Variants in KCNN2 observed in about 807,000 individuals in gnomAD.
The protein encoded by KCNN2 is small conductance calcium-activated potassium channel protein 2.
A neutral mutation model predicts 55.5 loss-of-function variants in KCNN2; 24 were observed. The ratio of observed to expected loss-of-function variants is 0.43; its 90% CI spans 0.31 to 0.61. The LOEUF (loss-of-function observed/expected upper bound fraction) is 0.61. Ranked by LOEUF, KCNN2 falls within the 20% of genes least tolerant of loss-of-function variation. KCNN2 has a pLI of 0.08. For synonymous variants in KCNN2, 431 were observed against 336.1 expected (o/e 1.28, Z -3.09); for missense variants, 754 against 853.6 (o/e 0.88, Z 1.45).
Position 114,496,399 on chromosome 5 carries a change from T to C in KCNN2, c.*217T>C. On this transcript the variant is annotated 3_prime_UTR_variant, in exon 8 of 8. Coordinates refer to ENST00000673685, the MANE Select transcript of KCNN2 (RefSeq NM_021614.4). Reference sequence around the variant, plus strand: ...ATGCACCTATTATTGCTATATAGATTGTTCCTCCTGTAATTTCACTAACTT... The same window carrying C: ...ATGCACCTATTATTGCTATATAGATCGTTCCTCCTGTAATTTCACTAACTT... The C allele has an allele frequency of 2.1e-6, 1 of 478,822 alleles. No individual in the cohort carries two copies. Among genetic ancestry groups the C allele is most frequent in the East Asian group, 3.3e-5 (1 of 30,616 alleles). 29.7% of individuals were successfully genotyped at this position (478,822 alleles called of 1,614,324 possible).
chr5:114,115,074 A>C (rs1751684390), intron 1 of KCNN2, among the ~76,000 whole-genome samples: 1 of 152,134 alleles, frequency 6.6e-6, no homozygotes, highest in Non-Finnish European at 1.5e-5. Flanking sequence ...GTGAAGTTCT[A>C]ATTCTCTTTC....
At chr5:114,229,899 G>A (rs927161074) in intron 2 of KCNN2, among the ~76,000 whole-genome samples, 1 of 152,070 alleles carries the variant, frequency 6.6e-6, no homozygotes, top group Non-Finnish European at 1.5e-5. Flanking sequence ...CCCTAGAAAT[G>A]GACTTAAGCC....
chr5:114,477,112 A>G (rs1052644667), intron 5 of KCNN2, among the ~76,000 whole-genome samples: 3 of 152,012 alleles, frequency 2.0e-5, no homozygotes, highest in African/African-American at 7.2e-5. Context: ...TGTTAGAGAA[A>G]AATACAACTA....
At chr5:114,483,913 A>G (rs1762340918) in intron 5 of KCNN2, among the ~76,000 whole-genome samples, 2 of 152,186 alleles carry the variant, frequency 1.3e-5, no homozygotes, top group South Asian at 2.1e-4. Flanking sequence ...CACTTATCAC[A>G]GTATCTAGCA....
chr5:114,164,467 A>G (rs1207125655), intron 1 of KCNN2, among the ~76,000 whole-genome samples: 1 of 152,192 alleles, frequency 6.6e-6, no homozygotes, highest in Non-Finnish European at 1.5e-5. Flanking sequence ...TGGTAATTTC[A>G]ATAATCAAGA....
chr5:114,284,300 C>T (rs1174187150), intron 2 of KCNN2, among the ~76,000 whole-genome samples: 1 of 152,132 alleles, frequency 6.6e-6, no homozygotes, highest in African/African-American at 2.4e-5. Context: ...ATGCCATTAT[C>T]AGAGTGAAAG....
At chr5:114,267,985 C>T (rs780377932) in intron 2 of KCNN2, among the ~76,000 whole-genome samples, 2 of 152,090 alleles carry the variant, frequency 1.3e-5, no homozygotes, top group Non-Finnish European at 2.9e-5. Flanking sequence ...TTGCAGGGAG[C>T]TCCCTCCCTG....
At chr5:114,144,928 T>G (rs900576521) in intron 1 of KCNN2, among the ~76,000 whole-genome samples, 1 of 152,086 alleles carries the variant, frequency 6.6e-6, no homozygotes. Context: ...ATTGCCATAG[T>G]GATATTTTTG....
intron 2 of KCNN2, among the ~76,000 whole-genome samples, chr5:114,399,432 G>C (rs370031600): frequency 6.6e-6 from 1 of 152,124 alleles, no homozygotes; most frequent in Non-Finnish European, 1.5e-5. Context: ...CCAACCTTGC[G>C]TCCCAGAGAT....
intron 2 of KCNN2, among the ~76,000 whole-genome samples, chr5:114,402,017 C>T (rs1057472467): frequency 6.6e-6 from 1 of 152,066 alleles, no homozygotes; most frequent in African/African-American, 2.4e-5. Context: ...GATCAGACTA[C>T]CCAGGGAAGT....
At chr5:114,090,192 A>G (rs935967373) in intron 1 of KCNN2, among the ~76,000 whole-genome samples, 2 of 152,188 alleles carry the variant, frequency 1.3e-5, no homozygotes, top group African/African-American at 2.4e-5. Flanking sequence ...TATTTCTTAT[A>G]GTTCTGTACA....
chr5:114,070,039 A>T (rs1431134998), intron 1 of KCNN2, among the ~76,000 whole-genome samples: 1 of 152,196 alleles, frequency 6.6e-6, no homozygotes, highest in Non-Finnish European at 1.5e-5. Flanking sequence ...TCGCATCCAG[A>T]TACCTTTTAT....
At chr5:114,451,630 C>T (rs1365556699) in intron 3 of KCNN2, among the ~76,000 whole-genome samples, 1 of 152,114 alleles carries the variant, frequency 6.6e-6, no homozygotes, top group Non-Finnish European at 1.5e-5. Flanking sequence ...GAGGCGGTGG[C>T]TCAAGCCTGT....
In KCNN2 at chr5:114,362,686, T is replaced by TCGCACCACCACCACCACCCGCACCCGG; in HGVS notation, c.558_584dup (p.His186_His194dup). The TCGCACCACCACCACCACCCGCACCCGG allele has an allele frequency of 1.4e-6, 2 of 1,448,618 alleles. No individual in the cohort carries two copies. Among genetic ancestry groups the TCGCACCACCACCACCACCCGCACCCGG allele is most frequent in the South Asian group, 2.9e-5 (2 of 69,416 alleles). The allele number at this position is 1,448,618 out of a possible 1,614,324, so 89.7% of individuals were successfully genotyped here. A position where few individuals can be genotyped will look rare whatever the true frequency, so the allele number is the denominator to read the frequency against. ...CAGTCTGGGCTCCGGGCCCCCGCTCTCGCACCACCACCACCACCCGCACCC... is the reference window on the plus strand; with the variant it reads ...CAGTCTGGGCTCCGGGCCCCCGCTCTCGCACCACCACCACCACCCGCACCCGGCGCACCACCACCACCACCCGCACCC... On this transcript the variant is annotated inframe_insertion, in exon 1 of 8. Transcript: ENST00000673685.
At chr5:114,304,421 T>C (rs1756227751) in intron 2 of KCNN2, among the ~76,000 whole-genome samples, 1 of 152,208 alleles carries the variant, frequency 6.6e-6, no homozygotes, top group South Asian at 2.1e-4. Context: ...AGTTGATTGC[T>C]ACTGAGCCTA....
chr5:114,162,384 C>T (rs552056207), intron 1 of KCNN2, among the ~76,000 whole-genome samples: 53 of 152,212 alleles, frequency 3.5e-4, no homozygotes, highest in Admixed American at 7.2e-4. Context: ...GAGGAGTACC[C>T]GGCCGTTTGA....
chr5:114,393,952 A>G (rs1758534595), intron 2 of KCNN2, among the ~76,000 whole-genome samples: 1 of 145,134 alleles, frequency 6.9e-6, no homozygotes, highest in Non-Finnish European at 1.5e-5. Flanking sequence ...CTAATATACA[A>G]GCAATGCTGC....
chr5:114,087,667 C>G (rs1751046032), intron 1 of KCNN2, among the ~76,000 whole-genome samples: 1 of 152,048 alleles, frequency 6.6e-6, no homozygotes, highest in Non-Finnish European at 1.5e-5. Flanking sequence ...TAAAATCCAT[C>G]TTATTTATTT....
At chr5:114,173,940 T>C (rs1278172414) in intron 1 of KCNN2, among the ~76,000 whole-genome samples, 1 of 152,010 alleles carries the variant, frequency 6.6e-6, no homozygotes, top group Non-Finnish European at 1.5e-5. Flanking sequence ...TTTTTTGCAC[T>C]CAACCTCCAA....
Sources: allele counts gnomAD v4.1 joint callset (sites outside exome capture counted in the v4.1 genomes callset), GRCh38; gene constraint gnomAD v4.1.1; transcripts MANE v1.5; gene names NCBI Gene and HGNC (gene_info 2026-07-23, HGNC 2026-07-21).